The following EYA4 variants were observed in gnomAD, a reference collection of about 807,000 sequenced individuals.
EYA4 encodes the protein protein phosphatase EYA4.
In EYA4, 31 loss-of-function variants were observed where a neutral mutation model predicts 87.9. The ratio of observed to expected loss-of-function variants is 0.35; its 90% CI spans 0.27 to 0.48. EYA4 has a LOEUF of 0.48. Among genes scored for constraint, EYA4 ranks in the 20% least tolerant of loss-of-function variants. The probability of loss-of-function intolerance (pLI) is 0.99; values close to 1 mark genes in which losing one functional copy is unlikely to be tolerated. For synonymous variants in EYA4, 263 were observed against 270.6 expected (o/e 0.97, Z 0.28); for missense variants, 678 against 761.4 (o/e 0.89, Z 1.29).
chr6:133,490,672 T>C (rs541574277), intron 13 of EYA4, among the ~76,000 whole-genome samples: 27 of 152,280 alleles, frequency 1.8e-4, no homozygotes, highest in African/African-American at 6.3e-4. Flanking sequence ...TTTAAATGTA[T>C]ATGCACTCAA....
chr6:133,285,375 G>A (rs1777969621), intron 2 of EYA4, among the ~76,000 whole-genome samples: 1 of 152,124 alleles, frequency 6.6e-6, no homozygotes, highest in Non-Finnish European at 1.5e-5. Flanking sequence ...TTTAATTAGA[G>A]GGAACAGCAA....
At chr6:133,308,130 T>G (rs1779950447) in intron 2 of EYA4, among the ~76,000 whole-genome samples, 1 of 152,194 alleles carries the variant, frequency 6.6e-6, no homozygotes, top group African/African-American at 2.4e-5. Flanking sequence ...GTGAGTCAGT[T>G]AAACTTCTTT....
At chr6:133,254,760 G>C (rs1171811297) in intron 1 of EYA4, among the ~76,000 whole-genome samples, 1 of 152,180 alleles carries the variant, frequency 6.6e-6, no homozygotes, top group East Asian at 1.9e-4. Context: ...GATCAGAAGA[G>C]AGATCTAGCC....
chr6:133,409,263 A>G (rs1789000187), intron 3 of EYA4, among the ~76,000 whole-genome samples: 1 of 152,220 alleles, frequency 6.6e-6, no homozygotes, highest in African/African-American at 2.4e-5. Context: ...CACAATAACC[A>G]AGATATGGAA....
At chr6:133,299,951 C>A (rs113818337) in intron 2 of EYA4, among the ~76,000 whole-genome samples, 17,500 of 129,884 alleles carry the variant, frequency 0.13, 1,239 homozygotes, top group South Asian at 0.2. Context: ...ATCTATCTAT[C>A]TATCTATATA....
chr6:133,510,964 T>G (rs1245969182), intron 14 of EYA4, among the ~76,000 whole-genome samples: 10 of 152,188 alleles, frequency 6.6e-5, no homozygotes, highest in Non-Finnish European at 2.9e-5. Flanking sequence ...AATGCCGCAC[T>G]CCAGGGCACT....
chr6:133,298,182 G>C (rs528770591), intron 2 of EYA4, among the ~76,000 whole-genome samples: 1 of 152,164 alleles, frequency 6.6e-6, no homozygotes, highest in African/African-American at 2.4e-5. Context: ...TAGGGTGGAA[G>C]CCCCTGAAGC....
chr6:133,310,549 A>G (rs1400638324), intron 2 of EYA4, among the ~76,000 whole-genome samples: 2 of 152,228 alleles, frequency 1.3e-5, no homozygotes, highest in African/African-American at 4.8e-5. Flanking sequence ...AACTGACATG[A>G]GAAATGATCG....
At chr6:133,390,019 C>A (rs1326653191) in intron 3 of EYA4, among the ~76,000 whole-genome samples, 1 of 152,122 alleles carries the variant, frequency 6.6e-6, no homozygotes, top group African/African-American at 2.4e-5. Context: ...ATGACACTTT[C>A]CATATGGTGT....
intron 2 of EYA4, among the ~76,000 whole-genome samples, chr6:133,275,029 T>C (rs1441544916): frequency 1.3e-5 from 2 of 152,196 alleles, no homozygotes; most frequent in African/African-American, 4.8e-5. Flanking sequence ...TTTGATTTTC[T>C]ACTTGGAAAA....
In EYA4 at chr6:133,525,187, G is replaced by A. The variant is rs1800530186; in HGVS notation, c.1772G>A (p.Arg591Lys). The change falls in exon 19 of 20, where the codon AGG (arginine) becomes AAG (lysine). Residue 591 changes from arginine to lysine, a missense_variant. Arg to Lys is a conservative substitution (Grantham distance 26). Transcript: ENST00000355286. ...AGTTGCTTTGAACGAATAATGCAAAGGTTTGGCAGAAAAGTAGTGTATGTT... is the reference window on the plus strand; with the variant it reads ...AGTTGCTTTGAACGAATAATGCAAAAGTTTGGCAGAAAAGTAGTGTATGTT... ...KESCFERIMQ[R>K]FGRKVVYVVI... The A allele has an allele frequency of 1.9e-6, 3 of 1,613,662 alleles. No homozygotes were observed. Among genetic ancestry groups the A allele is most frequent in the African/African-American group, 1.3e-5 (1 of 74,890 alleles).
chr6:133,446,570 A>T (rs1406091211), intron 3 of EYA4, 60 bp from the exon 4 acceptor site: 6 of 1,588,440 alleles, frequency 3.8e-6, no homozygotes, highest in African/African-American at 2.7e-5. Flanking sequence ...AATATTTGTA[A>T]TCTATTAAAA....
chr6:133,265,454 G>A (rs1776142070), intron 1 of EYA4, among the ~76,000 whole-genome samples: 1 of 152,020 alleles, frequency 6.6e-6, no homozygotes, highest in Non-Finnish European at 1.5e-5. Flanking sequence ...TCTTTATTAT[G>A]AGGTAATGCT....
chr6:133,421,945 A>G (rs1790257407), intron 3 of EYA4, among the ~76,000 whole-genome samples: 1 of 152,224 alleles, frequency 6.6e-6, no homozygotes, highest in Non-Finnish European at 1.5e-5. Flanking sequence ...ATATGCCTAC[A>G]AAACTCTTTT....
At chr6:133,513,632 C>T (rs1290850077) in intron 16 of EYA4, among the ~76,000 whole-genome samples, 1 of 151,956 alleles carries the variant, frequency 6.6e-6, no homozygotes, top group African/African-American at 2.4e-5. Context: ...TTTTATACCC[C>T]TTCATATATT....
intron 3 of EYA4, among the ~76,000 whole-genome samples, chr6:133,414,655 G>A (rs1176058840): frequency 6.6e-6 from 1 of 152,128 alleles, no homozygotes; most frequent in South Asian, 2.1e-4. Context: ...TTTTCCCCAG[G>A]GGGTAAACTG....
At chr6:133,309,371 C>T (rs1250380351) in intron 2 of EYA4, among the ~76,000 whole-genome samples, 1 of 151,968 alleles carries the variant, frequency 6.6e-6, no homozygotes, top group Non-Finnish European at 1.5e-5. Context: ...TATGGTGATC[C>T]AGAAGTACAG....
At chr6:133,384,030 CAG>C (rs1450855250) in intron 3 of EYA4, among the ~76,000 whole-genome samples, 3 of 152,126 alleles carry the variant, frequency 2.0e-5, no homozygotes, top group African/African-American at 7.2e-5. Context: ...TTAGGAAAAA[CAG>C]AACAATATAA....
At chr6:133,426,840 A>G (rs1007816336) in intron 3 of EYA4, among the ~76,000 whole-genome samples, 4 of 152,208 alleles carry the variant, frequency 2.6e-5, no homozygotes, top group African/African-American at 7.2e-5. Context: ...CACCTGCATC[A>G]TATCTCCTTT....
Sources: allele counts gnomAD v4.1 joint callset (sites outside exome capture counted in the v4.1 genomes callset), GRCh38; gene constraint gnomAD v4.1.1; transcripts MANE v1.5; gene names NCBI Gene and HGNC (gene_info 2026-07-23, HGNC 2026-07-21).